The following AKAP6 variants were observed in gnomAD, a reference collection of about 807,000 sequenced individuals.
AKAP6 encodes the protein A-kinase anchoring protein 6, also known as A-kinase anchor protein 6.
AKAP6 carries 58 observed loss-of-function variants against 188.5 expected under a neutral mutation model. That is an observed-to-expected ratio of 0.31 (90% CI 0.25 to 0.38). The LOEUF is 0.38. AKAP6 is among the 10% of genes least tolerant of loss of function. AKAP6 has a pLI of 1.00. For missense variants in AKAP6, 2,710 were observed against 2,740.0 expected, an observed-to-expected ratio of 0.99 and a Z score of 0.24; for synonymous variants, 989 against 998.6, an observed-to-expected ratio of 0.99 and a Z score of 0.18.
chr14:32,643,986 C>T (rs1359848818), intron 7 of AKAP6, among the ~76,000 whole-genome samples: 1 of 152,224 alleles, frequency 6.6e-6, no homozygotes, highest in Non-Finnish European at 1.5e-5. Context: ...ATTCACCTGA[C>T]ACACTGAAAT....
chr14:32,769,376 A>G (rs952177227), intron 11 of AKAP6, among the ~76,000 whole-genome samples: 2 of 151,848 alleles, frequency 1.3e-5, no homozygotes, highest in African/African-American at 4.8e-5. Flanking sequence ...ACTAGAAGTC[A>G]CCTGTGTTTG....
In AKAP6 at chr14:32,338,029, A is replaced by AAG. The variant is rs147333315; in HGVS notation, c.-35+8623_-35+8624dup. Among the ~76,000 whole-genome samples the AAG allele has an allele frequency of 6.8e-3, 1,038 of 151,780 alleles. 11 individuals carry two copies. The highest frequency in any genetic ancestry group is 0.024 in the African/African-American group (997 of 41,392). ...AGCAAGACCCTGGCTCAAACAAAAC[A>AAG]AGACACGTTTTACTCTGTTTTTTTT... On this transcript the variant is annotated intron_variant, in intron 1 of 13. Coordinates refer to ENST00000280979, the MANE Select transcript of AKAP6 (RefSeq NM_004274.5).
At chr14:32,711,946 T>C (rs1204915326) in intron 9 of AKAP6, among the ~76,000 whole-genome samples, 2 of 151,930 alleles carry the variant, frequency 1.3e-5, no homozygotes, top group African/African-American at 4.8e-5. Context: ...GTATTTTCTC[T>C]TTGGTGAAAA....
At chr14:32,556,779 T>C (rs1883706849) in intron 4 of AKAP6, among the ~76,000 whole-genome samples, 1 of 152,224 alleles carries the variant, frequency 6.6e-6, no homozygotes, top group Non-Finnish European at 1.5e-5. Context: ...TTATCTATCT[T>C]TGCTTTTGTT....
chr14:32,690,715 A>G (rs1204673499), intron 8 of AKAP6, among the ~76,000 whole-genome samples: 1 of 152,154 alleles, frequency 6.6e-6, no homozygotes, highest in Non-Finnish European at 1.5e-5. Flanking sequence ...TTAGATGCTT[A>G]AACTATAAAA....
intron 11 of AKAP6, among the ~76,000 whole-genome samples, chr14:32,767,771 A>G (rs1168717397): frequency 6.6e-6 from 1 of 152,146 alleles, no homozygotes; most frequent in African/African-American, 2.4e-5. Flanking sequence ...TGTCTACTCC[A>G]GTTAATAATG....
At chr14:32,649,878 C>CA (rs1671791392) in intron 7 of AKAP6, among the ~76,000 whole-genome samples, 1 of 152,080 alleles carries the variant, frequency 6.6e-6, no homozygotes, top group African/African-American at 2.4e-5. Context: ...GACGAGAAGG[C>CA]ACAAGATTGT....
intron 1 of AKAP6, among the ~76,000 whole-genome samples, chr14:32,334,097 G>A (rs1886615163): frequency 6.6e-6 from 1 of 152,144 alleles, no homozygotes; most frequent in East Asian, 1.9e-4. Flanking sequence ...TGGGCCCTGA[G>A]TGTGGTTTTT....
intron 1 of AKAP6, among the ~76,000 whole-genome samples, chr14:32,364,328 A>G (rs1035787110): frequency 1.9e-4 from 29 of 152,172 alleles, no homozygotes; most frequent in Admixed American, 1.8e-3. Flanking sequence ...ACCTCATATT[A>G]CATTTTACCA....
intron 7 of AKAP6, among the ~76,000 whole-genome samples, chr14:32,605,288 G>A (rs939051272): frequency 6.6e-6 from 1 of 152,086 alleles, no homozygotes; most frequent in African/African-American, 2.4e-5. Context: ...TTACAGGGAG[G>A]CATTCTTGTT....
At position 32,602,416 on chromosome 14, in the gene AKAP6, G is replaced by A. The variant is rs553096225; in HGVS notation, c.2730+1624G>A. On this transcript the variant is annotated intron_variant, in intron 7 of 13. Transcript: ENST00000280979. ...AGGCTGAGACAGGAAGATTGCTTCA[G>A]CCCAGGAGTTTGAGGCTGCAGGGAG... Among the ~76,000 whole-genome samples the A allele has an allele frequency of 3.9e-5, 6 of 152,104 alleles. No individual in the cohort carries two copies. In the South Asian group the frequency reaches 1.0e-3, roughly 26 times the overall value.
At chr14:32,492,268 G>T (rs1880056062) in intron 2 of AKAP6, among the ~76,000 whole-genome samples, 1 of 149,698 alleles carries the variant, frequency 6.7e-6, no homozygotes, top group African/African-American at 2.5e-5. Context: ...TGGGTTAGGT[G>T]TCCCTCCTCT....
chr14:32,722,813 C>A (rs2030618167), intron 9 of AKAP6, among the ~76,000 whole-genome samples: 1 of 152,170 alleles, frequency 6.6e-6, no homozygotes, highest in Admixed American at 6.5e-5. Context: ...TTTGTGTGAC[C>A]TAATTCTTCC....
rs1376574186 is a variant in AKAP6 at position 32,562,818 on chromosome 14, G to A, written c.2347-14302G>A. Among the ~76,000 whole-genome samples, 3 of 152,136 alleles carry A rather than the reference G, an allele frequency of 2.0e-5. No individual in the cohort carries two copies. The South Asian group carries it at 6.2e-4, about 31-fold the overall frequency. On this transcript the variant is annotated intron_variant, in intron 4 of 13. Coordinates refer to ENST00000280979, the MANE Select transcript of AKAP6 (RefSeq NM_004274.5). Reference sequence around the variant, plus strand: ...AAAGTTTCAGGCTGGATTCTGTAGTGTAGTAATCACATTCACCTCACAAAG... The same window carrying A: ...AAAGTTTCAGGCTGGATTCTGTAGTATAGTAATCACATTCACCTCACAAAG...
At chr14:32,711,492 T>C (rs1891051730) in intron 9 of AKAP6, among the ~76,000 whole-genome samples, 1 of 152,106 alleles carries the variant, frequency 6.6e-6, no homozygotes, top group Non-Finnish European at 1.5e-5. Context: ...TGCTTTTAAA[T>C]GCATACACAC....
chr14:32,425,657 A>T (rs920408682), intron 1 of AKAP6, among the ~76,000 whole-genome samples: 1 of 151,650 alleles, frequency 6.6e-6, no homozygotes, highest in Non-Finnish European at 1.5e-5. Flanking sequence ...GGAAGGAAGG[A>T]AGGAAGCTGT....
At chr14:32,674,971 G>C (rs990447087) in intron 7 of AKAP6, among the ~76,000 whole-genome samples, 4 of 152,176 alleles carry the variant, frequency 2.6e-5, no homozygotes, top group African/African-American at 9.6e-5. Flanking sequence ...GGGTGAGCCA[G>C]TGGTAATGAA....
intron 12 of AKAP6, among the ~76,000 whole-genome samples, chr14:32,788,067 G>A (rs555470461): frequency 2.0e-5 from 3 of 150,834 alleles, no homozygotes; most frequent in Admixed American, 2.0e-4. Context: ...AAAAAAGAAG[G>A]TGGGAAGGAA....
At chr14:32,801,039 AG>A (rs1453075208) in intron 12 of AKAP6, among the ~76,000 whole-genome samples, 2 of 152,182 alleles carry the variant, frequency 1.3e-5, no homozygotes, top group Middle Eastern at 3.4e-3. Context: ...ATAAATAAAA[AG>A]TGAGTTTGTA....
Sources: gnomAD v4.1 joint callset for allele counts (sites outside exome capture counted in the v4.1 genomes callset) on GRCh38, gnomAD v4.1.1 for gene constraint, MANE v1.5 for transcripts, NCBI Gene and HGNC (gene_info 2026-07-23, HGNC 2026-07-21) for gene names.